The following ARFIP1 variants were observed in gnomAD, a reference collection of about 807,000 sequenced individuals.
ARFIP1 encodes arfaptin-1.
A neutral mutation model predicts 42.5 loss-of-function variants in ARFIP1; 24 were observed. That is an observed-to-expected ratio of 0.57 (90% CI 0.41 to 0.80). The LOEUF (loss-of-function observed/expected upper bound fraction) is 0.80. Among genes scored for constraint, ARFIP1 ranks in the 30% least tolerant of loss-of-function variants. The pLI, the probability that ARFIP1 is intolerant of heterozygous loss-of-function variation, is 0.00. For missense variants in ARFIP1, 354 were observed against 434.0 expected, an observed-to-expected ratio of 0.82 and a Z score of 1.64; for synonymous variants, 141 against 153.7, an observed-to-expected ratio of 0.92 and a Z score of 0.61.
chr4:152,907,902 C>T (rs903656557), intron 8 of ARFIP1, among the ~76,000 whole-genome samples: 22 of 152,236 alleles, frequency 1.4e-4, no homozygotes, highest in South Asian at 8.3e-4. Flanking sequence ...AGATTCTTAG[C>T]GGTAAAATTA....
At chr4:152,859,535 A>G (rs867271293) in intron 2 of ARFIP1, among the ~76,000 whole-genome samples, 1 of 152,168 alleles carries the variant, frequency 6.6e-6, no homozygotes, top group Non-Finnish European at 1.5e-5. Context: ...AAGTGTTCCA[A>G]TGACTGTTTC....
At chr4:152,833,403 A>G (rs1417656690) in intron 2 of ARFIP1, among the ~76,000 whole-genome samples, 1 of 152,202 alleles carries the variant, frequency 6.6e-6, no homozygotes, top group Non-Finnish European at 1.5e-5. Context: ...TGACCCTTAT[A>G]TACTGTTAGT....
intron 1 of ARFIP1, among the ~76,000 whole-genome samples, chr4:152,819,348 A>G (rs547626054): frequency 6.6e-6 from 1 of 152,192 alleles, no homozygotes; most frequent in East Asian, 1.9e-4. Flanking sequence ...TACCCAGTAC[A>G]TTACTGCTAT....
intron 1 of ARFIP1, among the ~76,000 whole-genome samples, chr4:152,815,894 G>A (rs375864935): frequency 4.0e-5 from 6 of 151,616 alleles, no homozygotes; most frequent in Non-Finnish European, 5.9e-5. Context: ...ACAGGCGCCC[G>A]CCACTACGCC....
At chr4:152,808,655 A>G (rs1008576931) in intron 1 of ARFIP1, among the ~76,000 whole-genome samples, 32 of 152,154 alleles carry the variant, frequency 2.1e-4, no homozygotes, top group African/African-American at 6.5e-4. Flanking sequence ...TGGTTTTGTC[A>G]GTCTTTCTAG....
intron 5 of ARFIP1, among the ~76,000 whole-genome samples, chr4:152,878,815 G>T (rs1323188507): frequency 1.3e-5 from 2 of 152,130 alleles, no homozygotes; most frequent in Non-Finnish European, 2.9e-5. Flanking sequence ...CTTCTTCAAT[G>T]AATTCTGACT....
intron 1 of ARFIP1, among the ~76,000 whole-genome samples, chr4:152,787,020 C>G (rs1172248709): frequency 6.6e-6 from 1 of 152,186 alleles, no homozygotes; most frequent in African/African-American, 2.4e-5. Flanking sequence ...TTGCAATTTA[C>G]ATTTATTCAT....
chr4:152,852,415 G>A (rs1733066864), intron 2 of ARFIP1, among the ~76,000 whole-genome samples: 1 of 152,116 alleles, frequency 6.6e-6, no homozygotes, highest in African/African-American at 2.4e-5. Flanking sequence ...CGGATTGTCA[G>A]AGCTCAGGAG....
intron 6 of ARFIP1, among the ~76,000 whole-genome samples, chr4:152,881,897 T>G (rs2149892481): frequency 6.6e-6 from 1 of 152,352 alleles, no homozygotes; most frequent in South Asian, 2.1e-4. Flanking sequence ...TTTAGTTAAT[T>G]TAATATTACA....
intron 5 of ARFIP1, 48 bp downstream of exon 5, chr4:152,872,612 C>T: frequency 9.3e-7 from 1 of 1,077,524 alleles, no homozygotes; most frequent in Non-Finnish European, 1.3e-6. Flanking sequence ...TAAAAAAGTT[C>T]ATTTATATGT....
rs138264791 is a variant in ARFIP1, at chr4:152,893,901, A to G, written c.966+5594A>G. ...CTCACAGTGTTTCATATATAATCACAATACAGTAACATTCCTGTATATTAG... is the reference window on the plus strand; with the variant it reads ...CTCACAGTGTTTCATATATAATCACGATACAGTAACATTCCTGTATATTAG... On this transcript the variant is annotated intron_variant, in intron 8 of 8. Transcript: ENST00000353617. Among the ~76,000 whole-genome samples the G allele has an allele frequency of 7.1e-3, 1,083 of 152,278 alleles. 8 individuals carry two copies. The highest frequency in any genetic ancestry group is 0.012 in the Admixed American group (188 of 15,286).
chr4:152,900,851 CT>C (rs1346005925), intron 8 of ARFIP1, among the ~76,000 whole-genome samples: 1 of 152,140 alleles, frequency 6.6e-6, no homozygotes, highest in East Asian at 1.9e-4. Flanking sequence ...TCTTACACAC[CT>C]TTTTCTTACA....
intron 5 of ARFIP1, among the ~76,000 whole-genome samples, chr4:152,873,937 C>T (rs1023574379): frequency 1.1e-4 from 16 of 152,156 alleles, no homozygotes; most frequent in Admixed American, 3.9e-4. Context: ...CCAGAAACTT[C>T]CTAAACAATC....
At chr4:152,889,200 T>A (rs1026212637) in intron 8 of ARFIP1, among the ~76,000 whole-genome samples, 3 of 152,116 alleles carry the variant, frequency 2.0e-5, no homozygotes, top group Non-Finnish European at 4.4e-5. Context: ...AAGGGCATTT[T>A]AGTAAACTAT....
At chr4:152,786,999 T>C (rs1425693395) in intron 1 of ARFIP1, among the ~76,000 whole-genome samples, 1 of 152,250 alleles carries the variant, frequency 6.6e-6, no homozygotes, top group Admixed American at 6.5e-5. Context: ...GCATCATACA[T>C]TTCCCGCAGT....
At chr4:152,898,150 G>A (rs1184923610) in intron 8 of ARFIP1, among the ~76,000 whole-genome samples, 1 of 151,728 alleles carries the variant, frequency 6.6e-6, no homozygotes, top group African/African-American at 2.4e-5. Flanking sequence ...GCCCAGCTAA[G>A]TTTTTGGATT....
intron 2 of ARFIP1, among the ~76,000 whole-genome samples, chr4:152,852,618 C>T (rs967149502): frequency 8.1e-5 from 12 of 148,428 alleles, no homozygotes; most frequent in Admixed American, 1.3e-4. Context: ...GGTGACAGAG[C>T]GAGACTCCGT....
chr4:152,831,226 C>G (rs1400128481), intron 2 of ARFIP1, among the ~76,000 whole-genome samples: 1 of 152,180 alleles, frequency 6.6e-6, no homozygotes, highest in Non-Finnish European at 1.5e-5. Context: ...TTGGTAACAG[C>G]TCTTTTTGCA....
chr4:152,909,107 G>A (rs1199388700), intron 8 of ARFIP1, among the ~76,000 whole-genome samples: 4 of 152,020 alleles, frequency 2.6e-5, no homozygotes, highest in Non-Finnish European at 5.9e-5. Flanking sequence ...TCAGATGTCC[G>A]GGCTTGGTGG....
Sources: gnomAD v4.1 joint callset for allele counts (sites outside exome capture counted in the v4.1 genomes callset) on GRCh38, gnomAD v4.1.1 for gene constraint, MANE v1.5 for transcripts, NCBI Gene and HGNC (gene_info 2026-07-23, HGNC 2026-07-21) for gene names.